The following C1QTNF9B variants were observed in gnomAD, a reference collection of about 807,000 sequenced individuals.
The protein encoded by C1QTNF9B is C1q and TNF related 9B.
C1QTNF9B carries 9 observed loss-of-function variants against 10.1 expected under a neutral mutation model. The ratio of observed to expected loss-of-function variants is 0.89; its 90% CI spans 0.53 to 1.55. The LOEUF (loss-of-function observed/expected upper bound fraction) is 1.55. Ranked by LOEUF, C1QTNF9B falls within the 40% of genes most tolerant of loss-of-function variation. C1QTNF9B has a pLI of 0.00. For synonymous variants in C1QTNF9B, 79 were observed against 159.9 expected (o/e 0.49, Z 3.82); for missense variants, 196 against 414.4 (o/e 0.47, Z 4.58).
At chr13:23,894,670 C>T (rs1270705689) in intron 1 of C1QTNF9B, 6 of 457,156 alleles carry the variant, frequency 1.3e-5, no homozygotes, top group Admixed American at 4.7e-5. Flanking sequence ...ACTATGGTTA[C>T]GTGACACTAT....
exon 3 of C1QTNF9B, chr13:23,891,157 A>C: frequency 2.1e-6 from 2 of 953,368 alleles, no homozygotes; most frequent in Non-Finnish European, 3.0e-6. Flanking sequence ...AGTTTTGGGA[A>C]TAACTTTTCC....
intron 2 of C1QTNF9B, 146 bp downstream of exon 4, chr13:23,893,993 A>G: frequency 1.0e-6 from 1 of 999,634 alleles, no homozygotes; most frequent in Middle Eastern, 2.2e-4. Context: ...AAGCCTGCCA[A>G]TCCCTGCAGA....
intron 1 of C1QTNF9B, among the ~76,000 whole-genome samples, chr13:23,895,171 T>TCC: frequency 6.6e-6 from 1 of 152,110 alleles, no homozygotes; most frequent in African/African-American, 2.4e-5. Context: ...CCCTCCCCTC[T>TCC]ACTGGCTGCT....
At chr13:23,893,660 A>C (rs578100282) in intron 2 of C1QTNF9B, among the ~76,000 whole-genome samples, 1 of 152,190 alleles carries the variant, frequency 6.6e-6, no homozygotes, top group Admixed American at 6.5e-5. Flanking sequence ...TGTATAGACA[A>C]AGTCTTACTA....
chr13:23,894,526 T>C (rs1175924708), intron 1 of C1QTNF9B: 1 of 582,456 alleles, frequency 1.7e-6, no homozygotes, highest in Non-Finnish European at 3.3e-6. Context: ...ATTGTGTTCC[T>C]CTCCTGCGAC....
In C1QTNF9B at chr13:23,896,802, G is replaced by C. The variant is rs201993060; in HGVS notation, c.166+19C>G. On this transcript the variant is annotated intron_variant, in intron 1 of 2. Coordinates refer to ENST00000382137, the Ensembl canonical transcript of C1QTNF9B. ...TGAAGAGAGAAGCTCAAAGGCAGCCGAAGCCGTCAGGTGAGTACCTGCATC... is the reference window on the plus strand; with the variant it reads ...TGAAGAGAGAAGCTCAAAGGCAGCCCAAGCCGTCAGGTGAGTACCTGCATC... 7.4e-6 allele frequency: 12 copies of C among 1,611,994 alleles called. No homozygotes were observed. The highest frequency in any genetic ancestry group is 1.1e-5 in the South Asian group (1 of 90,662).
At chr13:23,897,306 C>G (rs1418620682), upstream of C1QTNF9B, 5 of 435,110 alleles carry the variant, frequency 1.1e-5, no homozygotes, top group East Asian at 1.7e-4. Flanking sequence ...GAAATCACTT[C>G]TCTTAACCAC....
chr13:23,892,228 C>T lies in C1QTNF9B; in HGVS notation c.230-167G>A, dbSNP rs1872029071. ...CTCCATCTGGGTGCGGTGGCTCACA[C>T]CTGTAATCCTAGCACCTTGGGAGAC... On this transcript the variant is annotated intron_variant, in intron 2 of 2. Transcript: ENST00000382137. 3.8e-6 allele frequency: 5 copies of T among 1,327,564 alleles called. No homozygotes were observed. The Admixed American group carries it at 7.9e-5, about 21-fold the overall frequency. The allele number at this position is 1,327,564 out of a possible 1,614,324, so 82.2% of individuals were successfully genotyped here.
chr13:23,894,042 T>C (rs908863535), intron 2 of C1QTNF9B, 97 bp downstream of exon 4: 297 of 1,397,468 alleles, frequency 2.1e-4, no homozygotes, highest in Non-Finnish European at 2.7e-4. Context: ...GTTGCCTTTA[T>C]TATAAGATTA....
chr13:23,894,710 A>T lies in C1QTNF9B; in HGVS notation c.167-509T>A, dbSNP rs561665173. ...AGATAGAAGAGAGAGTTCTGGAGGG[A>T]TCCCTCTAGTGCCTTACACTGGGGG... is the stretch of plus-strand genomic sequence containing the variant. On this transcript the variant is annotated intron_variant, in intron 1 of 2. Transcript: ENST00000382137. 1.1e-5 allele frequency: 5 copies of T among 450,130 alleles called. No homozygotes were observed. In the Admixed American group the frequency reaches 1.2e-4, roughly 11 times the overall value. The allele number at this position is 450,130 out of a possible 1,614,324, so 27.9% of individuals were successfully genotyped here.
At chr13:23,895,592 C>G (rs890618741) in intron 1 of C1QTNF9B, among the ~76,000 whole-genome samples, 1 of 152,026 alleles carries the variant, frequency 6.6e-6, no homozygotes, top group Non-Finnish European at 1.5e-5. Context: ...AAATTCAACA[C>G]GGAAGAGGTA....
intron 1 of C1QTNF9B, among the ~76,000 whole-genome samples, chr13:23,895,164 TC>T (rs1019945930): frequency 3.3e-5 from 5 of 151,810 alleles, no homozygotes; most frequent in African/African-American, 9.7e-5. Flanking sequence ...TCCCCTTCCC[TC>T]CCCTCTACTG....
rs147263585 is a variant in C1QTNF9B, at chr13:23,891,378, C to T, written c.913G>A (p.Val305Met). The T allele has an allele frequency of 3.0e-5, 48 of 1,581,192 alleles. 7 individuals are homozygous for T. Among genetic ancestry groups the T allele is most frequent in the Non-Finnish European group, 1.9e-5 (22 of 1,153,654 alleles). ...CCATTGAACCTCTCTCCTCCTGTCA[C>T]CTGCAGCCACATCTCATCCCCGAGC... Residue 305 changes from valine to methionine, a missense_variant, in exon 3 of 3, where the codon GTG (valine) becomes ATG (methionine). Val to Met is a conservative substitution (Grantham distance 21). Around this residue, in one of 5 missense-constraint regions of C1QTNF9B, gnomAD observed 72 missense variants for 87.1 expected, o/e 0.83. Transcript: ENST00000382137.
exon 3 of C1QTNF9B, chr13:23,891,524 G>A (rs1179113943): frequency 2.5e-6 from 4 of 1,608,326 alleles, no homozygotes; most frequent in South Asian, 2.2e-5. Flanking sequence ...GGAGAAAACA[G>A]TGATGTGGTA....
At chr13:23,897,121 C>A (rs981605769), upstream of C1QTNF9B, 24 of 1,276,240 alleles carry the variant, frequency 1.9e-5, no homozygotes, top group African/African-American at 3.3e-4. Flanking sequence ...CAGACCCACA[C>A]CTGGACAGAC....
At chr13:23,896,400 C>G (rs898316240) in intron 1 of C1QTNF9B, among the ~76,000 whole-genome samples, 1 of 152,262 alleles carries the variant, frequency 6.6e-6, no homozygotes, top group Non-Finnish European at 1.5e-5. Flanking sequence ...TAGCTCTCAC[C>G]TGCACTGCAG....
At chr13:23,892,956 G>A (rs569226582) in intron 2 of C1QTNF9B, among the ~76,000 whole-genome samples, 269 of 152,228 alleles carry the variant, frequency 1.8e-3, no homozygotes, top group African/African-American at 5.9e-3. Context: ...TCGAGGCATT[G>A]CCCTCTCCTG....
At chr13:23,894,750 G>A (rs397843444) in intron 1 of C1QTNF9B, 25 of 410,298 alleles carry the variant, frequency 6.1e-5, no homozygotes, top group South Asian at 1.8e-4. Context: ...GCTACTAATC[G>A]AGCTGGCAGA....
At chr13:23,895,054 G>A (rs1006301482) in intron 1 of C1QTNF9B, among the ~76,000 whole-genome samples, 8 of 152,146 alleles carry the variant, frequency 5.3e-5, no homozygotes, top group Non-Finnish European at 1.2e-4. Context: ...CTGTCACGAT[G>A]TCTGTTCTCC....
Sources: allele counts gnomAD v4.1 joint callset (sites outside exome capture counted in the v4.1 genomes callset), GRCh38; gene constraint gnomAD v4.1.1; regional missense constraint gnomAD v4.1.1; transcripts MANE v1.5; gene names NCBI Gene and HGNC (gene_info 2026-07-23, HGNC 2026-07-21).